Variants in RBFOX1 observed in about 807,000 individuals in gnomAD.
RBFOX1 encodes the protein RNA binding fox-1 homolog 1.
In RBFOX1, 8 loss-of-function variants were observed where a neutral mutation model predicts 57.7. The observed-to-expected ratio is 0.14, with a 90% CI of 0.08 to 0.25. RBFOX1 has a LOEUF of 0.25. Among genes scored for constraint, RBFOX1 ranks in the 10% least tolerant of loss-of-function variants. The pLI is 1.00. For missense variants in RBFOX1, 611 were observed against 548.5 expected (o/e 1.11, Z -1.14); for synonymous variants, 326 against 222.4 (o/e 1.47, Z -4.15).
chr16:6,887,294 G>A (rs2064287773), intron 3 of RBFOX1, among the ~76,000 whole-genome samples: 1 of 152,148 alleles, frequency 6.6e-6, no homozygotes, highest in South Asian at 2.1e-4. Flanking sequence ...AAAGTGTGGT[G>A]GGGTTATAAA....
chr16:7,197,777 A>G (rs906909131), intron 4 of RBFOX1, among the ~76,000 whole-genome samples: 3 of 152,186 alleles, frequency 2.0e-5, no homozygotes, highest in Non-Finnish European at 2.9e-5. Flanking sequence ...ACATGCTACA[A>G]TGTAGATGAG....
At chr16:6,866,505 A>T (rs7205425) in intron 3 of RBFOX1, among the ~76,000 whole-genome samples, 103,523 of 140,034 alleles carry the variant, frequency 0.74, 39,117 homozygotes, top group African/African-American at 0.9. Context: ...GACTTTTTTT[A>T]AAAAAAAAAA....
intron 3 of RBFOX1, among the ~76,000 whole-genome samples, chr16:7,045,775 C>A (rs1442449188): frequency 6.6e-6 from 1 of 152,086 alleles, no homozygotes; most frequent in East Asian, 1.9e-4. Flanking sequence ...CTTGCCTCAG[C>A]CTCCTGAGTA....
At chr16:7,222,017 C>T (rs943344475) in intron 4 of RBFOX1, among the ~76,000 whole-genome samples, 2 of 152,168 alleles carry the variant, frequency 1.3e-5, no homozygotes, top group Non-Finnish European at 2.9e-5. Flanking sequence ...CATTATTAGC[C>T]AGCCTGTCAG....
chr16:6,965,293 A>G (rs2083878547), intron 3 of RBFOX1, among the ~76,000 whole-genome samples: 1 of 151,314 alleles, frequency 6.6e-6, no homozygotes, highest in South Asian at 2.1e-4. Flanking sequence ...ACATAAACAA[A>G]TCCAATTTCC....
intron 2 of RBFOX1, among the ~76,000 whole-genome samples, chr16:6,384,296 AATC>A (rs1329970336): frequency 6.6e-6 from 1 of 152,196 alleles, no homozygotes; most frequent in Non-Finnish European, 1.5e-5. Context: ...ATTTGAATCC[AATC>A]ATCATCTTAT....
chr16:5,973,812 G>C (rs977742837), intron 4 of RBFOX1, among the ~76,000 whole-genome samples: 5 of 152,140 alleles, frequency 3.3e-5, no homozygotes, highest in African/African-American at 7.2e-5. Context: ...TGTCTCTTCT[G>C]CTAAAATTAT....
chr16:7,623,173 C>G (rs1372333214), intron 10 of RBFOX1, among the ~76,000 whole-genome samples: 1 of 152,166 alleles, frequency 6.6e-6, no homozygotes. Flanking sequence ...CAAAGTATCA[C>G]AGACTGGATG....
chr16:5,939,701 T>TA (rs898433986), intron 4 of RBFOX1, among the ~76,000 whole-genome samples: 59 of 150,894 alleles, frequency 3.9e-4, no homozygotes, highest in African/African-American at 1.2e-3. Context: ...CTCCATTTTT[T>TA]AAAAAAAAAA....
rs945572537 is a variant in RBFOX1 at position 7,711,752 on chromosome 16, TAGAGAC to T, written c.*1011_*1016del. 6 of 152,626 alleles carry T rather than the reference TAGAGAC, an allele frequency of 3.9e-5. No homozygotes were observed. Among genetic ancestry groups the T allele is most frequent in the African/African-American group, 1.2e-4 (5 of 41,452 alleles). 9.5% of individuals were successfully genotyped at this position (152,626 alleles called of 1,614,324 possible). On this transcript the variant is annotated 3_prime_UTR_variant, in exon 16 of 16. Transcript: ENST00000550418. The stretch of plus-strand genomic sequence containing the variant: ...AGTTTTAGCCTAGTAGAACAACTGT[TAGAGAC>T]AGACGTATAATTTTTATGGAATTAC...
At chr16:7,605,944 T>C (rs953202717) in intron 9 of RBFOX1, among the ~76,000 whole-genome samples, 1 of 151,940 alleles carries the variant, frequency 6.6e-6, no homozygotes, top group Non-Finnish European at 1.5e-5. Flanking sequence ...CTTCAAGCGA[T>C]TCTCATGCCT....
At chr16:6,728,984 A>G (rs1414195485) in intron 3 of RBFOX1, among the ~76,000 whole-genome samples, 4 of 152,186 alleles carry the variant, frequency 2.6e-5, no homozygotes, top group Non-Finnish European at 5.9e-5. Flanking sequence ...TCACTTTACC[A>G]GCATTCATTT....
chr16:6,139,545 C>G (rs1189440107), intron 1 of RBFOX1, among the ~76,000 whole-genome samples: 2 of 152,320 alleles, frequency 1.3e-5, no homozygotes. Flanking sequence ...GCCCACTGGT[C>G]TCAGGCTCTG....
chr16:5,376,709 C>G (rs1235233084), intron 1 of RBFOX1, among the ~76,000 whole-genome samples: 1 of 147,216 alleles, frequency 6.8e-6, no homozygotes, highest in Non-Finnish European at 1.5e-5. Flanking sequence ...AACTCATCGT[C>G]TTGGTCTATT....
intron 3 of RBFOX1, among the ~76,000 whole-genome samples, chr16:6,870,016 C>A (rs966421054): frequency 6.6e-6 from 1 of 152,120 alleles, no homozygotes; most frequent in Non-Finnish European, 1.5e-5. Context: ...GCTGTGAGAT[C>A]TATGCATATC....
intron 14 of RBFOX1, among the ~76,000 whole-genome samples, chr16:7,695,135 A>G (rs1345333444): frequency 6.6e-6 from 1 of 152,142 alleles, no homozygotes; most frequent in Non-Finnish European, 1.5e-5. Flanking sequence ...TATTGATCAC[A>G]TTTCAGATTG....
chr16:6,329,511 G>T (rs1599694257), intron 2 of RBFOX1, among the ~76,000 whole-genome samples: 1 of 152,300 alleles, frequency 6.6e-6, no homozygotes, highest in South Asian at 2.1e-4. Context: ...GTTCCAGTGG[G>T]ACTGTAAGTC....
intron 3 of RBFOX1, among the ~76,000 whole-genome samples, chr16:5,839,339 G>C (rs1031195937): frequency 1.3e-5 from 2 of 152,138 alleles, no homozygotes; most frequent in African/African-American, 4.8e-5. Flanking sequence ...GGAGGGAACT[G>C]ATAGTTTCAT....
chr16:7,066,000 A>C (rs12926305), intron 4 of RBFOX1, among the ~76,000 whole-genome samples: 94,444 of 151,908 alleles, frequency 0.62, 30,859 homozygotes, highest in South Asian at 0.75. Context: ...ATAACAACAA[A>C]AAAAAACTAT....
Sources: allele counts gnomAD v4.1 joint callset (sites outside exome capture counted in the v4.1 genomes callset), GRCh38; gene constraint gnomAD v4.1.1; transcripts MANE v1.5; gene names NCBI Gene and HGNC (gene_info 2026-07-23, HGNC 2026-07-21).